The following PRSS12 variants were observed in gnomAD, a reference collection of about 807,000 sequenced individuals.
The protein encoded by PRSS12 is serine protease 12, also known as neurotrypsin.
Under a neutral mutation model 104.4 loss-of-function variants are expected in PRSS12, and 85 were observed. That is an observed-to-expected ratio of 0.81 (90% CI 0.68 to 0.98). PRSS12 has a LOEUF of 0.98. Ranked by LOEUF, PRSS12 falls within the 50% of genes least tolerant of loss-of-function variation. The pLI, the probability that PRSS12 is intolerant of heterozygous loss-of-function variation, is 0.00. For missense variants in PRSS12, 1,141 were observed against 1,139.2 expected, an observed-to-expected ratio of 1.00 and a Z score of -0.02; for synonymous variants, 454 against 425.2, an observed-to-expected ratio of 1.07 and a Z score of -0.83.
rs562554739 is a variant in PRSS12, at chr4:118,294,545, C to T, written c.2039+394G>A. On this transcript the variant is annotated intron_variant, in intron 11 of 12. Coordinates refer to ENST00000296498, the MANE Select transcript of PRSS12 (RefSeq NM_003619.4). ...CAACCTTTCTCAAAGGTACAAGACA[C>T]CAAGACTCAAAGAATCAAAAACACT... is the stretch of plus-strand genomic sequence containing the variant. Among the ~76,000 whole-genome samples, 4 of 152,276 alleles carry T rather than the reference C, an allele frequency of 2.6e-5. No individual in the cohort carries two copies. The South Asian group carries it at 8.3e-4, about 32-fold the overall frequency.
chr4:118,284,552 C>G (rs1233543133), intron 11 of PRSS12, among the ~76,000 whole-genome samples: 1 of 152,196 alleles, frequency 6.6e-6, no homozygotes, highest in Non-Finnish European at 1.5e-5. Context: ...CACCAGGTAA[C>G]CACACACCTC....
chr4:118,322,021 G>A (rs971126687), intron 4 of PRSS12, among the ~76,000 whole-genome samples: 1 of 152,118 alleles, frequency 6.6e-6, no homozygotes, highest in Non-Finnish European at 1.5e-5. Flanking sequence ...TATATCTAAT[G>A]AGAGGCAAAC....
Position 118,281,095 on chromosome 4 carries a change from G to T in PRSS12, c.*841C>A, listed in dbSNP as rs937629233. On this transcript the variant is annotated 3_prime_UTR_variant, in exon 13 of 13. Transcript: ENST00000296498. ...CCTGCAGGTATAAGTCAGTTACAGG[G>T]AAGTGTCAGTGGGTGGCACTCTTAC... is the stretch of plus-strand genomic sequence containing the variant. The T allele has an allele frequency of 6.6e-6, 1 of 152,262 alleles. No homozygotes were observed. 9.4% of individuals were successfully genotyped at this position (152,262 alleles called of 1,614,324 possible). A position where few individuals can be genotyped will look rare whatever the true frequency, so the allele number is the denominator to read the frequency against.
chr4:118,316,837 A>AAAAATATATATATATATATATAT (rs35698159), intron 5 of PRSS12, among the ~76,000 whole-genome samples: 8 of 99,186 alleles, frequency 8.1e-5, no homozygotes, highest in Middle Eastern at 8.9e-3. Context: ...AAAAAAAAAA[A>AAAAATATATATATATATATATAT]ATATATATAT....
chr4:118,352,122 AC>A, intron 1 of PRSS12, 96 bp downstream of exon 1: 1 of 1,530,686 alleles, frequency 6.5e-7, no homozygotes, highest in Non-Finnish European at 8.8e-7. Context: ...AACCCCACAC[AC>A]CCCGTCACTT....
At chr4:118,313,463 T>A in intron 6 of PRSS12, 66 bp from the exon 7 acceptor site, 1 of 1,530,574 alleles carries the variant, frequency 6.5e-7, no homozygotes. Context: ...CCACAAAACA[T>A]TTAACACAAG....
In PRSS12 at chr4:118,335,629, T is replaced by C; in HGVS notation, c.664A>G (p.Thr222Ala). The C allele has an allele frequency of 6.2e-7, 1 of 1,613,960 alleles. No individual in the cohort carries two copies. Among genetic ancestry groups the C allele is most frequent in the South Asian group, 1.1e-5 (1 of 91,076 alleles). ...QLGGKGIAKQ[T>A]PFSGLGLIPI... ...ATAAGGCCCAGTCCAGAAAACGGGG[T>C]TTGTTTTGCTATTCCTTTTCCTCTG... Residue 222 changes from threonine (T) to alanine (A), a missense_variant, in exon 3 of 13, where the codon ACC becomes GCC. Transcript: ENST00000296498.
At position 118,352,565 on chromosome 4, in the gene PRSS12, C is replaced by G. The variant is rs750097827; in HGVS notation, c.156G>C (p.Arg52=). The G allele has an allele frequency of 1.3e-6, 2 of 1,549,530 alleles. No homozygotes were observed. Among genetic ancestry groups the G allele is most frequent in the East Asian group, 5.0e-5 (2 of 39,998 alleles). The change falls in exon 1 of 13, where the codon CGG becomes CGC. Residue 52 remains arginine, a synonymous_variant. Transcript: ENST00000296498. ...HYPYYLPTQQ[R]PPRTRPPPPL... ...GCGGCGGCGGACGCGTCCTCGGGGGCCGCTGCTGGGTGGGAAGGTAATAGG... is the reference window on the plus strand; with the variant it reads ...GCGGCGGCGGACGCGTCCTCGGGGGGCGCTGCTGGGTGGGAAGGTAATAGG...
intron 4 of PRSS12, among the ~76,000 whole-genome samples, chr4:118,319,179 A>G (rs981497148): frequency 6.6e-6 from 1 of 151,976 alleles, no homozygotes; most frequent in African/African-American, 2.4e-5. Context: ...CTCACCACAG[A>G]CTTTTGAGTT....
In PRSS12 at chr4:118,280,667, T is replaced by A. The variant is rs1742822143; in HGVS notation, c.*1269A>T. On this transcript the variant is annotated 3_prime_UTR_variant, in exon 13 of 13. Transcript: ENST00000296498. ...ATCCATGACATGGAAGTATCTTGAG[T>A]GTGCCTTTTAAATTTGAGCATTACT... 6.6e-6 allele frequency: 1 copy of A among 152,234 alleles called. No individual in the cohort carries two copies. Among genetic ancestry groups the A allele is most frequent in the Admixed American group, 6.5e-5 (1 of 15,290 alleles). The allele number at this position is 152,234 out of a possible 1,614,324, so 9.4% of individuals were successfully genotyped here. A position where few individuals can be genotyped will look rare whatever the true frequency, so the allele number is the denominator to read the frequency against.
Position 118,282,975 on chromosome 4 carries a change from C to G in PRSS12, c.2176G>C (p.Asp726His), listed in dbSNP as rs2126025253. 1.9e-6 allele frequency: 3 copies of G among 1,614,110 alleles called. No homozygotes were observed. In the East Asian group the frequency reaches 6.7e-5, roughly 36 times the overall value. ...CCTTGTAATCTAACCAGGGCTATGTCATAATCACTGCGGTCGGGTCGATAC... is the reference window on the plus strand; with the variant it reads ...CCTTGTAATCTAACCAGGGCTATGTGATAATCACTGCGGTCGGGTCGATAC... ...REYRPDRSDY[D>H]IALVRLQGPE... Residue 726 changes from aspartate to histidine, a missense_variant, in exon 12 of 13, where the codon GAC becomes CAC. Asp to His is a moderately conservative substitution (Grantham distance 81). Coordinates refer to ENST00000296498, the MANE Select transcript of PRSS12 (RefSeq NM_003619.4).
At chr4:118,289,373 G>A (rs1743082615) in intron 11 of PRSS12, among the ~76,000 whole-genome samples, 1 of 152,122 alleles carries the variant, frequency 6.6e-6, no homozygotes, top group African/African-American at 2.4e-5. Flanking sequence ...GAAATCTTTA[G>A]GTATACAGAA....
intron 11 of PRSS12, among the ~76,000 whole-genome samples, chr4:118,285,825 T>C (rs1743001187): frequency 6.6e-6 from 1 of 152,204 alleles, no homozygotes; most frequent in African/African-American, 2.4e-5. Flanking sequence ...TTTTTTCTTT[T>C]TTTGAGACAA....
rs529770926 is a variant in PRSS12 at position 118,343,916 on chromosome 4, T to G, written c.503-5602A>C. ...TAGTAATAAATATTTTTAAAATCTT[T>G]TTTTAAAAAATCACAGTTTGATAAA... On this transcript the variant is annotated intron_variant, in intron 1 of 12. Coordinates refer to ENST00000296498, the MANE Select transcript of PRSS12 (RefSeq NM_003619.4). Among the ~76,000 whole-genome samples the G allele has an allele frequency of 1.1e-4, 17 of 152,354 alleles. No individual in the cohort carries two copies. In the South Asian group the frequency reaches 3.3e-3, roughly 30 times the overall value.
chr4:118,330,199 G>A (rs1216877969), intron 4 of PRSS12, among the ~76,000 whole-genome samples: 2 of 152,134 alleles, frequency 1.3e-5, no homozygotes, highest in Admixed American at 1.3e-4. Context: ...AAAGGATCAG[G>A]CTGATGTCAC....
At chr4:118,350,938 A>G (rs1578946760) in intron 1 of PRSS12, among the ~76,000 whole-genome samples, 1 of 152,176 alleles carries the variant, frequency 6.6e-6, no homozygotes, top group East Asian at 1.9e-4. Flanking sequence ...TAAACCTAAG[A>G]TTTTACTATA....
At chr4:118,316,112 G>A (rs983412475) in intron 6 of PRSS12, 70 bp downstream of exon 6, 1 of 1,532,218 alleles carries the variant, frequency 6.5e-7, no homozygotes. Context: ...TTACAAGTAG[G>A]GATTAACATA....
chr4:118,297,458 G>A (rs774475089), intron 9 of PRSS12, among the ~76,000 whole-genome samples: 1 of 151,748 alleles, frequency 6.6e-6, no homozygotes, highest in Admixed American at 6.6e-5. Flanking sequence ...GTATTCAGGG[G>A]AAAGAGCTGG....
At chr4:118,284,484 T>A (rs1318473101) in intron 11 of PRSS12, among the ~76,000 whole-genome samples, 1 of 152,160 alleles carries the variant, frequency 6.6e-6, no homozygotes, top group Non-Finnish European at 1.5e-5. Context: ...CTGCAATGAG[T>A]GTATTCTCCA....
Sources: allele counts gnomAD v4.1 joint callset (sites outside exome capture counted in the v4.1 genomes callset), GRCh38; gene constraint gnomAD v4.1.1; transcripts MANE v1.5; gene names NCBI Gene and HGNC (gene_info 2026-07-23, HGNC 2026-07-21).